The following TYW1 variants were observed in gnomAD, a reference collection of about 807,000 sequenced individuals.
TYW1 encodes tRNA-yW synthesizing protein 1 homolog.
Under a neutral mutation model 96.2 loss-of-function variants are expected in TYW1, and 46 were observed. The observed-to-expected ratio is 0.48, with a 90% CI of 0.38 to 0.61. The LOEUF is 0.61. Among genes scored for constraint, TYW1 ranks in the 20% least tolerant of loss-of-function variants. The pLI is 0.00. For missense variants in TYW1, 684 were observed against 909.6 expected, an observed-to-expected ratio of 0.75 and a Z score of 3.19; for synonymous variants, 274 against 323.0, an observed-to-expected ratio of 0.85 and a Z score of 1.63.
intron 3 of TYW1, among the ~76,000 whole-genome samples, chr7:67,002,903 G>T (rs1473009513): frequency 1.3e-5 from 2 of 148,240 alleles, no homozygotes; most frequent in Admixed American, 6.8e-5. Context: ...ACCCAGGCTG[G>T]AGTGCAGTGG....
intron 7 of TYW1, among the ~76,000 whole-genome samples, chr7:67,036,729 G>C (rs931010205): frequency 1.3e-5 from 2 of 152,240 alleles, no homozygotes; most frequent in Non-Finnish European, 2.9e-5. Flanking sequence ...TTCAATTTGA[G>C]ATGGCCAAAG....
chr7:67,078,037 C>T (rs370903330), intron 10 of TYW1, among the ~76,000 whole-genome samples: 51 of 151,634 alleles, frequency 3.4e-4, no homozygotes, highest in African/African-American at 1.1e-3. Context: ...TGTGTCTGTT[C>T]TTATGTCAAT....
chr7:67,167,726 G>A (rs941519282), intron 13 of TYW1, among the ~76,000 whole-genome samples: 1 of 151,404 alleles, frequency 6.6e-6, no homozygotes, highest in African/African-American at 2.4e-5. Context: ...TTACATGTTT[G>A]GGTCTGTTTT....
At chr7:67,030,612 G>A (rs899729013) in intron 7 of TYW1, among the ~76,000 whole-genome samples, 1 of 152,026 alleles carries the variant, frequency 6.6e-6, no homozygotes, top group Non-Finnish European at 1.5e-5. Context: ...GACTGGCCCA[G>A]ATATATTCTT....
At chr7:67,036,132 C>T (rs1794835995) in intron 7 of TYW1, among the ~76,000 whole-genome samples, 1 of 148,344 alleles carries the variant, frequency 6.7e-6, no homozygotes, top group Non-Finnish European at 1.5e-5. Flanking sequence ...TTGGCAGTGG[C>T]AACTTATAAT....
Position 67,050,010 on chromosome 7 carries a change from A to C in TYW1, c.1046A>C (p.Asp349Ala). Residue 349 changes from aspartate to alanine, a missense_variant, in exon 8 of 16, where the codon GAT (aspartate) becomes GCT (alanine). Transcript: ENST00000359626. ...GLFRNMGRNE[D>A]GERRAMITPA... Reference sequence around the variant, plus strand: ...TTCAGGAACATGGGGAGGAATGAAGATGGTGAAAGAAGAGCTATGATAACT... The same window carrying C: ...TTCAGGAACATGGGGAGGAATGAAGCTGGTGAAAGAAGAGCTATGATAACT... The C allele has an allele frequency of 6.2e-7, 1 of 1,614,138 alleles. No individual in the cohort carries two copies. The highest frequency in any genetic ancestry group is 8.5e-7 in the Non-Finnish European group (1 of 1,180,006).
At chr7:67,014,772 AGGCTGGAGTGCAGT>A (rs776281171) in intron 5 of TYW1, among the ~76,000 whole-genome samples, 5 of 152,180 alleles carry the variant, frequency 3.3e-5, no homozygotes, top group Non-Finnish European at 7.4e-5. Context: ...TCTGTCGCCC[AGGCTGGAGTGCAGT>A]GGCACCATCT....
chr7:67,191,880 T>C (rs1447258448), intron 14 of TYW1, among the ~76,000 whole-genome samples: 2 of 149,264 alleles, frequency 1.3e-5, no homozygotes, highest in African/African-American at 5.0e-5. Context: ...GTTTTGTTGC[T>C]GTTGTTGTTT....
chr7:67,163,009 TC>T (rs964001121), intron 13 of TYW1, among the ~76,000 whole-genome samples: 1 of 152,226 alleles, frequency 6.6e-6, no homozygotes, highest in African/African-American at 2.4e-5. Context: ...TATTTTGTCT[TC>T]AGCTGTTTAC....
In TYW1 at chr7:67,020,678, C is replaced by T. The variant is rs373723316; in HGVS notation, c.861+2535C>T. ...GACTCTTGAATTTCTCCATTGTCATCCTATTATTCTCTCTCTTCCTCTCCA... is the reference window on the plus strand; with the variant it reads ...GACTCTTGAATTTCTCCATTGTCATTCTATTATTCTCTCTCTTCCTCTCCA... On this transcript the variant is annotated intron_variant, in intron 6 of 15. Coordinates refer to ENST00000359626, the MANE Select transcript of TYW1 (RefSeq NM_018264.4). 1.1e-4 allele frequency among the ~76,000 whole-genome samples: 17 copies of T among 152,396 alleles called. No individual in the cohort carries two copies. In the South Asian group the frequency reaches 3.5e-3, roughly 32 times the overall value.
At chr7:67,098,949 G>T (rs975150598) in intron 12 of TYW1, among the ~76,000 whole-genome samples, 1 of 151,424 alleles carries the variant, frequency 6.6e-6, no homozygotes, top group Non-Finnish European at 1.5e-5. Flanking sequence ...ATTCAAAAGA[G>T]AATGAATTTT....
At chr7:67,018,188 T>A (rs754878652) in intron 6 of TYW1, 45 bp downstream of exon 6, 1 of 1,584,134 alleles carries the variant, frequency 6.3e-7, no homozygotes, top group Non-Finnish European at 8.6e-7. Context: ...CCTCTTCTGC[T>A]TGGAGATCTC....
At chr7:67,057,402 TTG>T (rs909376458) in intron 9 of TYW1, among the ~76,000 whole-genome samples, 4 of 150,934 alleles carry the variant, frequency 2.7e-5, no homozygotes, top group African/African-American at 9.7e-5. Context: ...CAGAGTCTCG[TTG>T]TCTCACCCAG....
chr7:67,019,582 CCTCG>C, intron 6 of TYW1, among the ~76,000 whole-genome samples: 1 of 152,278 alleles, frequency 6.6e-6, no homozygotes, highest in Non-Finnish European at 1.5e-5. Context: ...CCCATCTTGG[CCTCG>C]GACAGCGCTG....
chr7:67,203,856 A>G (rs1800680628), intron 15 of TYW1, among the ~76,000 whole-genome samples: 1 of 152,110 alleles, frequency 6.6e-6, no homozygotes, highest in African/African-American at 2.4e-5. Context: ...TTCATCTGCC[A>G]CTGTCTTGGT....
At chr7:67,196,562 A>C (rs1385958020) in intron 15 of TYW1, among the ~76,000 whole-genome samples, 4 of 152,150 alleles carry the variant, frequency 2.6e-5, no homozygotes, top group Non-Finnish European at 5.9e-5. Context: ...TATGTGATTT[A>C]ACCCTTTCAC....
chr7:67,067,342 C>G lies in TYW1; in HGVS notation c.1213C>G (p.His405Asp). The change falls in exon 10 of 16, where the codon CAT (histidine) becomes GAT (aspartate). Residue 405 changes from histidine (H) to aspartate (D), a missense_variant. His to Asp is a moderately conservative substitution (Grantham distance 81, BLOSUM62 -1). Transcript: ENST00000359626. ...YKHTFYGIES[H>D]RCMETTPSLA... ...ACACACATTCTATGGAATTGAGAGC[C>G]ATCGCTGCATGGAAACCACCCCGAG... 1 of 1,613,976 alleles carries G rather than the reference C, an allele frequency of 6.2e-7. No homozygotes were observed. The highest frequency in any genetic ancestry group is 1.7e-4 in the Middle Eastern group (1 of 6,056).
intron 13 of TYW1, among the ~76,000 whole-genome samples, chr7:67,134,116 C>T (rs1487034694): frequency 1.3e-5 from 2 of 151,976 alleles, no homozygotes; most frequent in Non-Finnish European, 2.9e-5. Flanking sequence ...CTCAGTGCCG[C>T]GGATAGTGCT....
At chr7:67,192,098 G>T (rs1296729278) in intron 14 of TYW1, among the ~76,000 whole-genome samples, 1 of 151,848 alleles carries the variant, frequency 6.6e-6, no homozygotes, top group Non-Finnish European at 1.5e-5. Context: ...GTTTCACCAT[G>T]TCGGCAAGGC....
Sources: gnomAD v4.1 joint callset for allele counts (sites outside exome capture counted in the v4.1 genomes callset) on GRCh38, gnomAD v4.1.1 for gene constraint, MANE v1.5 for transcripts, NCBI Gene and HGNC (gene_info 2026-07-23, HGNC 2026-07-21) for gene names.